The following PDE8B variants were observed in gnomAD, a reference collection of about 807,000 sequenced individuals.
PDE8B encodes high affinity cAMP-specific and IBMX-insensitive 3',5'-cyclic phosphodiesterase 8B.
PDE8B carries 26 observed loss-of-function variants against 101.3 expected under a neutral mutation model. The ratio of observed to expected loss-of-function variants is 0.26; its 90% CI spans 0.19 to 0.36. The LOEUF is 0.36. PDE8B is among the 10% of genes least tolerant of loss of function. The probability of loss-of-function intolerance (pLI) is 1.00; values close to 1 mark genes in which losing one functional copy is unlikely to be tolerated. For synonymous variants in PDE8B, 424 were observed against 429.3 expected (o/e 0.99, Z 0.15); for missense variants, 810 against 1,163.1 (o/e 0.70, Z 4.42).
At chr5:77,369,564 G>A (rs888968391) in intron 10 of PDE8B, among the ~76,000 whole-genome samples, 1 of 152,184 alleles carries the variant, frequency 6.6e-6, no homozygotes, top group Non-Finnish European at 1.5e-5. Flanking sequence ...ATTTTATTGA[G>A]TGTTTGTTTT....
intron 1 of PDE8B, among the ~76,000 whole-genome samples, chr5:77,305,744 A>G (rs1771055220): frequency 6.6e-6 from 1 of 152,226 alleles, no homozygotes; most frequent in Admixed American, 6.5e-5. Flanking sequence ...GACAGGGCAC[A>G]TATTGAGATC....
chr5:77,337,629 A>G (rs1348364229), intron 6 of PDE8B, among the ~76,000 whole-genome samples: 2 of 152,202 alleles, frequency 1.3e-5, no homozygotes, highest in Non-Finnish European at 2.9e-5. Context: ...ATTATTTTCT[A>G]CTTCCTACTT....
At chr5:77,259,081 C>A (rs367990441) in intron 1 of PDE8B, among the ~76,000 whole-genome samples, 2 of 89,816 alleles carry the variant, frequency 2.2e-5, no homozygotes, top group African/African-American at 4.4e-5. Flanking sequence ...CCCGCCCCCC[C>A]CCCACACACA....
intron 1 of PDE8B, among the ~76,000 whole-genome samples, chr5:77,271,511 G>A (rs1056434505): frequency 1.3e-5 from 2 of 152,218 alleles, no homozygotes; most frequent in Admixed American, 6.5e-5. Context: ...GAATGAAGAA[G>A]GTAGTGACTG....
chr5:77,368,244 A>G (rs1784484801), intron 10 of PDE8B, among the ~76,000 whole-genome samples: 1 of 152,156 alleles, frequency 6.6e-6, no homozygotes, highest in Admixed American at 6.5e-5. Context: ...ACCCCCTTCC[A>G]GATTCATCTC....
At chr5:77,167,255 C>A in the PDE8B span, among the ~76,000 whole-genome samples, 2 of 152,178 alleles carry the variant, frequency 1.3e-5, no homozygotes, top group African/African-American at 2.4e-5. Flanking sequence ...TGTCAACACT[C>A]CTCACCATTC....
chr5:77,142,434 T>C, the PDE8B span, among the ~76,000 whole-genome samples: 1 of 152,206 alleles, frequency 6.6e-6, no homozygotes, highest in African/African-American at 2.4e-5. Flanking sequence ...CCCACAGTTT[T>C]CTCAGGCCCT....
the PDE8B span, chr5:77,104,542 C>T: frequency 6.6e-6 from 1 of 152,084 alleles, no homozygotes; most frequent in Admixed American, 6.6e-5. Flanking sequence ...TGATCACCCG[C>T]TCCAGAGGAT....
chr5:77,332,988 A>ATATG (rs1253187337), intron 5 of PDE8B, among the ~76,000 whole-genome samples: 5 of 151,274 alleles, frequency 3.3e-5, no homozygotes, highest in Non-Finnish European at 5.9e-5. Flanking sequence ...TTAAAAATAT[A>ATATG]TATATATATT....
intron 10 of PDE8B, among the ~76,000 whole-genome samples, chr5:77,378,047 CA>C (rs1203687597): frequency 1.0e-5 from 1 of 97,192 alleles, no homozygotes; most frequent in East Asian, 3.2e-4. Flanking sequence ...CACACACACA[CA>C]CCCCCTGTTG....
intron 1 of PDE8B, among the ~76,000 whole-genome samples, chr5:77,281,227 C>T (rs1442772496): frequency 6.6e-6 from 1 of 152,186 alleles, no homozygotes; most frequent in Non-Finnish European, 1.5e-5. Flanking sequence ...GGTTTAGTGG[C>T]TGTGGTACTG....
At chr5:77,092,055 A>C in the PDE8B span, among the ~76,000 whole-genome samples, 1 of 152,260 alleles carries the variant, frequency 6.6e-6, no homozygotes, top group Non-Finnish European at 1.5e-5. Context: ...TAAATTGAGA[A>C]TGGCTACATA....
chr5:77,281,767 G>C (rs1159276458), intron 1 of PDE8B, among the ~76,000 whole-genome samples: 1 of 152,146 alleles, frequency 6.6e-6, no homozygotes, highest in East Asian at 1.9e-4. Context: ...ATCAGGACCT[G>C]GATCTCTTTG....
At chr5:77,310,003 G>A (rs547161521) in intron 1 of PDE8B, among the ~76,000 whole-genome samples, 4 of 139,198 alleles carry the variant, frequency 2.9e-5, no homozygotes, top group Admixed American at 1.5e-4. Context: ...AGGCTGGAGC[G>A]CAATGGCACG....
intron 1 of PDE8B, among the ~76,000 whole-genome samples, chr5:77,284,421 C>T (rs535409851): frequency 5.9e-5 from 9 of 152,158 alleles, no homozygotes; most frequent in African/African-American, 2.2e-4. Flanking sequence ...TTAGATTTCC[C>T]CTATGCTATC....
chr5:77,323,121 G>A (rs1250975420), intron 2 of PDE8B, among the ~76,000 whole-genome samples: 1 of 152,216 alleles, frequency 6.6e-6, no homozygotes, highest in Admixed American at 6.5e-5. Flanking sequence ...GCTACACCAA[G>A]TAAAAGGTTA....
At chr5:77,420,029 A>G in intron 19 of PDE8B, 142 bp downstream of exon 19, 1 of 942,926 alleles carries the variant, frequency 1.1e-6, no homozygotes, top group Non-Finnish European at 1.7e-6. Context: ...AGGACTGGCC[A>G]CTTGTTTTCC....
the PDE8B span, among the ~76,000 whole-genome samples, chr5:77,185,586 A>G: frequency 2.0e-5 from 3 of 152,214 alleles, no homozygotes; most frequent in African/African-American, 7.2e-5. Flanking sequence ...AACACAATTC[A>G]GCCCATAACA....
intron 10 of PDE8B, among the ~76,000 whole-genome samples, chr5:77,374,958 T>TACACAC (rs151289447): frequency 6.6e-6 from 1 of 150,468 alleles, no homozygotes; most frequent in Non-Finnish European, 1.5e-5. Context: ...CAGAACCAGA[T>TACACAC]ACACACACAC....
Sources: gnomAD v4.1 joint callset for allele counts (sites outside exome capture counted in the v4.1 genomes callset) on GRCh38, gnomAD v4.1.1 for gene constraint, MANE v1.5 for transcripts, NCBI Gene and HGNC (gene_info 2026-07-23, HGNC 2026-07-21) for gene names.